Variants in RARB observed in about 807,000 individuals in gnomAD.
RARB encodes HBV-activated protein.
In RARB, 17 loss-of-function variants were observed where a neutral mutation model predicts 51.9. The ratio of observed to expected loss-of-function variants is 0.33; its 90% CI spans 0.22 to 0.49. RARB has a LOEUF of 0.49. RARB is among the 20% of genes least tolerant of loss of function. The probability of loss-of-function intolerance (pLI) is 0.99; values close to 1 mark genes in which losing one functional copy is unlikely to be tolerated. For synonymous variants in RARB, 215 were observed against 195.4 expected, an observed-to-expected ratio of 1.10 and a Z score of -0.84; for missense variants, 369 against 550.8, an observed-to-expected ratio of 0.67 and a Z score of 3.30.
At chr3:24,883,145 T>C (rs1559382051) in intron 2 of RARB, among the ~76,000 whole-genome samples, 2 of 152,102 alleles carry the variant, frequency 1.3e-5, no homozygotes, top group East Asian at 1.9e-4. Flanking sequence ...AAAAAATCTG[T>C]TTTAAAAAAT....
intron 5 of RARB, among the ~76,000 whole-genome samples, chr3:25,366,245 A>G (rs1706117023): frequency 6.6e-6 from 1 of 152,202 alleles, no homozygotes; most frequent in Non-Finnish European, 1.5e-5. Context: ...CGAGAAATTT[A>G]CTGTGTTCTC....
chr3:25,448,531 G>C (rs777908276), intron 1 of RARB, among the ~76,000 whole-genome samples: 14 of 152,032 alleles, frequency 9.2e-5, no homozygotes, highest in Non-Finnish European at 1.8e-4. Context: ...GCAGTGGTAT[G>C]ATCTCGGCTC....
At chr3:25,266,558 T>C (rs1230246361) in intron 5 of RARB, among the ~76,000 whole-genome samples, 1 of 152,212 alleles carries the variant, frequency 6.6e-6, no homozygotes, top group African/African-American at 2.4e-5. Context: ...CTTGATCCTT[T>C]TTATCAGACT....
chr3:25,554,495 G>A (rs1013386388), intron 3 of RARB, among the ~76,000 whole-genome samples: 2 of 152,062 alleles, frequency 1.3e-5, no homozygotes, highest in African/African-American at 4.8e-5. Context: ...CAAGGGCAGA[G>A]TTGAGTAGTG....
At position 24,966,147 on chromosome 3, in the gene RARB, A is replaced by G. The variant is rs533290549; in HGVS notation, c.-379-93978A>G. Among the ~76,000 whole-genome samples the G allele has an allele frequency of 5.9e-5, 9 of 151,308 alleles. No individual in the cohort carries two copies. The East Asian group carries it at 1.6e-3, about 26-fold the overall frequency. On this transcript the variant is annotated intron_variant, in intron 2 of 11. Transcript: ENST00000383772. ...GCTTGTTAAATTATTTTTCTTTGGC[A>G]CTGACCTTTGGCATTTTTACTACTT... is the stretch of plus-strand genomic sequence containing the variant.
In RARB at chr3:25,436,322, T is replaced by C. The variant is rs896066351; in HGVS notation, c.157+7434T>C. Among the ~76,000 whole-genome samples, 4 of 152,348 alleles carry C rather than the reference T, an allele frequency of 2.6e-5. No individual in the cohort carries two copies. The East Asian group carries it at 7.7e-4, about 29-fold the overall frequency. Reference sequence around the variant, plus strand: ...GTGTACAGAACACTAATTGTTATTATTGATTTTAAATTCCGTGACCATTAC... The same window carrying C: ...GTGTACAGAACACTAATTGTTATTACTGATTTTAAATTCCGTGACCATTAC... On this transcript the variant is annotated intron_variant, in intron 1 of 7. Transcript: ENST00000330688.
intron 5 of RARB, among the ~76,000 whole-genome samples, chr3:25,195,954 A>G (rs1307621249): frequency 6.6e-6 from 1 of 151,976 alleles, no homozygotes; most frequent in East Asian, 1.9e-4. Flanking sequence ...ACTAATGCAA[A>G]CAAGACTGGG....
chr3:25,328,718 G>C (rs1215970865), intron 5 of RARB, among the ~76,000 whole-genome samples: 1 of 152,176 alleles, frequency 6.6e-6, no homozygotes, highest in African/African-American at 2.4e-5. Flanking sequence ...GCCAAAGCAG[G>C]GCGGGGCATC....
intron 2 of RARB, among the ~76,000 whole-genome samples, chr3:25,012,227 A>C (rs1201808985): frequency 6.6e-6 from 1 of 152,100 alleles, no homozygotes; most frequent in Non-Finnish European, 1.5e-5. Flanking sequence ...AAATGTTCCA[A>C]GCTGATATTA....
At position 25,220,667 on chromosome 3, in the gene RARB, C is replaced by A. The variant is rs138570590; in HGVS notation, c.178+46092C>A. On this transcript the variant is annotated intron_variant, in intron 5 of 11. Transcript: ENST00000383772. ...CACCTGCTGCCCTGTGAAGAAGATG[C>A]CTGCCTCCCCTTTGCCTTCCACCAT... Among the ~76,000 whole-genome samples, 379 of 152,288 alleles carry A rather than the reference C, an allele frequency of 2.5e-3. 1 individual carries two copies. Among genetic ancestry groups the A allele is most frequent in the Admixed American group, 6.1e-3 (94 of 15,294 alleles).
At chr3:25,386,607 C>T (rs1393844426) in intron 5 of RARB, among the ~76,000 whole-genome samples, 2 of 152,162 alleles carry the variant, frequency 1.3e-5, no homozygotes, top group Non-Finnish European at 2.9e-5. Flanking sequence ...TATAGGGCTT[C>T]TTCAGAGTCG....
At chr3:25,161,043 T>A (rs533978072) in intron 4 of RARB, among the ~76,000 whole-genome samples, 38 of 152,048 alleles carry the variant, frequency 2.5e-4, no homozygotes, top group Non-Finnish European at 4.7e-4. Flanking sequence ...GATGGAGTCT[T>A]GCTCCGTCGC....
In RARB at chr3:25,071,610, T is replaced by C. The variant is rs377177362; in HGVS notation, c.-328+11434T>C. On this transcript the variant is annotated intron_variant, in intron 3 of 11. Transcript: ENST00000383772. ...CTAGACCACAAGGTTATATATTCTT[T>C]TGTCACAGTATAATCAGTTGGCTGA... 1.1e-4 allele frequency among the ~76,000 whole-genome samples: 16 copies of C among 152,204 alleles called. 1 individual carries two copies. The highest frequency in any genetic ancestry group is 9.6e-4 in the East Asian group (5 of 5,204).
chr3:25,053,285 G>T (rs1698373250), intron 2 of RARB, among the ~76,000 whole-genome samples: 1 of 152,226 alleles, frequency 6.6e-6, no homozygotes, highest in South Asian at 2.1e-4. Context: ...AAAATCTGCT[G>T]CAACTTCCAG....
intron 5 of RARB, among the ~76,000 whole-genome samples, chr3:25,181,389 G>C (rs957352327): frequency 6.6e-6 from 1 of 152,094 alleles, no homozygotes; most frequent in African/African-American, 2.4e-5. Context: ...CTAACACATG[G>C]GACATAGTAG....
chr3:24,968,155 A>T (rs1267133565), intron 2 of RARB, among the ~76,000 whole-genome samples: 1 of 152,132 alleles, frequency 6.6e-6, no homozygotes, highest in African/African-American at 2.4e-5. Context: ...TGAGGGCCAA[A>T]GATGGACAGT....
At chr3:24,940,286 A>G (rs558213999) in intron 2 of RARB, among the ~76,000 whole-genome samples, 36 of 152,270 alleles carry the variant, frequency 2.4e-4, no homozygotes, top group African/African-American at 8.7e-4. Flanking sequence ...TAATGGGAGC[A>G]GCTCGGTGGG....
chr3:25,346,986 G>A (rs375291570), intron 5 of RARB, among the ~76,000 whole-genome samples: 1 of 152,168 alleles, frequency 6.6e-6, no homozygotes, highest in Non-Finnish European at 1.5e-5. Flanking sequence ...AAACTCTAAC[G>A]AGTGTTGTGA....
chr3:25,211,857 A>T (rs1701705247), intron 5 of RARB, among the ~76,000 whole-genome samples: 1 of 152,240 alleles, frequency 6.6e-6, no homozygotes. Context: ...CTCATGATTT[A>T]AACAATTACA....
Sources: gnomAD v4.1 joint callset for allele counts (sites outside exome capture counted in the v4.1 genomes callset) on GRCh38, gnomAD v4.1.1 for gene constraint, MANE v1.5 for transcripts, NCBI Gene and HGNC (gene_info 2026-07-23, HGNC 2026-07-21) for gene names.